Variants in KCNN2 observed in about 807,000 individuals in gnomAD.
The protein encoded by KCNN2 is potassium calcium-activated channel subfamily N member 2.
Under a neutral mutation model 55.5 loss-of-function variants are expected in KCNN2, and 24 were observed. That is an observed-to-expected ratio of 0.43 (90% CI 0.31 to 0.61). The LOEUF (loss-of-function observed/expected upper bound fraction) is 0.61. KCNN2 is among the 20% of genes least tolerant of loss of function. The probability of loss-of-function intolerance (pLI) is 0.08; values close to 1 mark genes in which losing one functional copy is unlikely to be tolerated. For missense variants in KCNN2, 754 were observed against 853.6 expected (o/e 0.88, Z 1.45); for synonymous variants, 431 against 336.1 (o/e 1.28, Z -3.09).
At chr5:114,083,012 A>G (rs1210946759) in intron 1 of KCNN2, among the ~76,000 whole-genome samples, 1 of 152,166 alleles carries the variant, frequency 6.6e-6, no homozygotes, top group African/African-American at 2.4e-5. Context: ...TATTATATCC[A>G]TATTTATAGC....
chr5:114,473,403 G>C (rs1466442432), intron 5 of KCNN2, among the ~76,000 whole-genome samples: 2 of 152,122 alleles, frequency 1.3e-5, no homozygotes, highest in Non-Finnish European at 2.9e-5. Flanking sequence ...TAAATGTTAG[G>C]TATGCCTACT....
chr5:114,474,176 T>G (rs1429538223), intron 5 of KCNN2, among the ~76,000 whole-genome samples: 2 of 152,218 alleles, frequency 1.3e-5, no homozygotes, highest in South Asian at 2.1e-4. Context: ...TGGTTGTATA[T>G]TTAAAAGTAA....
intron 1 of KCNN2, among the ~76,000 whole-genome samples, chr5:114,071,516 A>G (rs187552677): frequency 6.6e-6 from 1 of 152,378 alleles, no homozygotes; most frequent in Non-Finnish European, 1.5e-5. Flanking sequence ...AAAGGAAGGC[A>G]ACTACAAGGG....
intron 1 of KCNN2, among the ~76,000 whole-genome samples, chr5:114,111,943 C>T (rs58132806): frequency 0.019 from 2,866 of 150,166 alleles, 106 homozygotes; most frequent in African/African-American, 0.065. Context: ...ATCTAGAACT[C>T]GAAATACCAT....
chr5:114,306,580 C>G (rs1327185452), intron 2 of KCNN2, among the ~76,000 whole-genome samples: 1 of 152,024 alleles, frequency 6.6e-6, no homozygotes, highest in African/African-American at 2.4e-5. Context: ...CTCAATTATA[C>G]TTTTAGGGAC....
intron 1 of KCNN2, among the ~76,000 whole-genome samples, chr5:114,149,222 A>C (rs2112515169): frequency 6.6e-6 from 1 of 152,138 alleles, no homozygotes; most frequent in Non-Finnish European, 1.5e-5. Flanking sequence ...CAGTTGACAA[A>C]CCTGAAAAGA....
chr5:114,115,702 A>G (rs768700713), intron 1 of KCNN2, among the ~76,000 whole-genome samples: 6 of 152,024 alleles, frequency 3.9e-5, no homozygotes, highest in Non-Finnish European at 8.8e-5. Context: ...AAAAAAAGGT[A>G]AGATTGAAAG....
intron 3 of KCNN2, among the ~76,000 whole-genome samples, chr5:114,446,311 A>G (rs1484516929): frequency 6.6e-6 from 1 of 152,180 alleles, no homozygotes; most frequent in Admixed American, 6.5e-5. Context: ...TACTTTGGCA[A>G]AGAGGAAGTT....
intron 3 of KCNN2, among the ~76,000 whole-genome samples, chr5:114,409,797 A>G (rs1561613565): frequency 6.6e-6 from 1 of 152,060 alleles, no homozygotes; most frequent in African/African-American, 2.4e-5. Flanking sequence ...GGAGGCATTT[A>G]TTCCTTGTGG....
intron 2 of KCNN2, among the ~76,000 whole-genome samples, chr5:114,224,068 TTCTC>T (rs1399020886): frequency 6.6e-6 from 1 of 152,142 alleles, no homozygotes; most frequent in Non-Finnish European, 1.5e-5. Flanking sequence ...AAAGTATTCT[TTCTC>T]TCTCTTCTAG....
chr5:114,191,998 G>T (rs993449511), intron 1 of KCNN2, among the ~76,000 whole-genome samples: 2 of 152,146 alleles, frequency 1.3e-5, no homozygotes, highest in Non-Finnish European at 2.9e-5. Flanking sequence ...GTACAATCCA[G>T]AATGTAGGCT....
intron 1 of KCNN2, among the ~76,000 whole-genome samples, chr5:114,073,878 A>T (rs1219251726): frequency 6.6e-6 from 1 of 152,234 alleles, no homozygotes; most frequent in Admixed American, 6.5e-5. Context: ...TACGCTTAAA[A>T]CTTGCTTTAG....
Position 114,082,838 on chromosome 5 carries a change from TACAAG to T in KCNN2, c.-271+26342_-271+26346del, listed in dbSNP as rs544289230. Among the ~76,000 whole-genome samples the T allele has an allele frequency of 1.3e-4, 20 of 152,286 alleles. No homozygotes were observed. In the East Asian group the frequency reaches 3.9e-3, roughly 29 times the overall value. On this transcript the variant is annotated intron_variant, in intron 1 of 10. Transcript: ENST00000512097. ...GTTGAATCCTATATGATTTCACTTA[TACAAG>T]ACACTTAAGATCGTCAAAATCATAG...
chr5:114,121,754 A>C (rs947726396), intron 1 of KCNN2, among the ~76,000 whole-genome samples: 1 of 152,176 alleles, frequency 6.6e-6, no homozygotes, highest in Non-Finnish European at 1.5e-5. Flanking sequence ...TGGTGACATC[A>C]TACTCTCCCA....
intron 1 of KCNN2, among the ~76,000 whole-genome samples, chr5:114,097,211 A>G (rs924294786): frequency 1.3e-5 from 2 of 152,204 alleles, no homozygotes; most frequent in East Asian, 1.9e-4. Flanking sequence ...CAAATTAATT[A>G]TAGGTCCAAT....
chr5:114,158,268 C>G (rs1425829327), intron 1 of KCNN2, among the ~76,000 whole-genome samples: 1 of 152,132 alleles, frequency 6.6e-6, no homozygotes, highest in Non-Finnish European at 1.5e-5. Flanking sequence ...GGAATCCTTC[C>G]CCATTGCTTG....
At chr5:114,348,723 A>G (rs781722310) in intron 2 of KCNN2, among the ~76,000 whole-genome samples, 6 of 152,188 alleles carry the variant, frequency 3.9e-5, no homozygotes, top group Non-Finnish European at 5.9e-5. Flanking sequence ...TGAATCCTCA[A>G]TTATCTTAAA....
chr5:114,136,543 T>G (rs1326790339), intron 1 of KCNN2, among the ~76,000 whole-genome samples: 1 of 152,230 alleles, frequency 6.6e-6, no homozygotes, highest in Admixed American at 6.5e-5. Flanking sequence ...CAGTTCATGC[T>G]GGACAGTGGA....
chr5:114,306,742 C>T (rs1756285076), intron 2 of KCNN2, among the ~76,000 whole-genome samples: 2 of 150,282 alleles, frequency 1.3e-5, no homozygotes, highest in South Asian at 4.2e-4. Context: ...GCTCTGTCAC[C>T]CAGGCTGGAG....
Sources: gnomAD v4.1 joint callset for allele counts (sites outside exome capture counted in the v4.1 genomes callset) on GRCh38, gnomAD v4.1.1 for gene constraint, MANE v1.5 for transcripts, NCBI Gene and HGNC (gene_info 2026-07-23, HGNC 2026-07-21) for gene names.